The following EIF2A variants were observed in gnomAD, a reference collection of about 807,000 sequenced individuals.
The protein encoded by EIF2A is 65 kDa eukaryotic translation initiation factor 2A.
In EIF2A, 62 loss-of-function variants were observed where a neutral mutation model predicts 75.2. The observed-to-expected ratio is 0.82, with a 90% CI of 0.67 to 1.02. The LOEUF (loss-of-function observed/expected upper bound fraction) is 1.02, where lower values mean the gene tolerates loss of function less well. Among genes scored for constraint, EIF2A ranks in the 50% least tolerant of loss-of-function variants. The pLI is 0.00. For synonymous variants in EIF2A, 207 were observed against 239.0 expected, an observed-to-expected ratio of 0.87 and a Z score of 1.23; for missense variants, 611 against 677.7, an observed-to-expected ratio of 0.90 and a Z score of 1.09.
chr3:150,547,897 AT>A lies in EIF2A; in HGVS notation c.28+1076del, dbSNP rs576772255. ...TTTAAAAGGCAAAGTTACATAATAA[AT>A]TTTTTTTTAGGTTTGTAAAGGTAGC... On this transcript the variant is annotated intron_variant, in intron 1 of 13. Coordinates refer to ENST00000460851, the MANE Select transcript of EIF2A (RefSeq NM_032025.5). 3.0e-4 allele frequency among the ~76,000 whole-genome samples: 46 copies of A among 151,730 alleles called. 2 individuals carry two copies. In the South Asian group the frequency reaches 5.4e-3, roughly 18 times the overall value.
At chr3:150,575,119 A>G (rs1251206370) in intron 10 of EIF2A, among the ~76,000 whole-genome samples, 1 of 152,010 alleles carries the variant, frequency 6.6e-6, no homozygotes, top group Non-Finnish European at 1.5e-5. Context: ...TCATATGTCA[A>G]TCCCAGATTT....
intron 11 of EIF2A, among the ~76,000 whole-genome samples, chr3:150,578,524 A>G (rs1376136459): frequency 6.6e-6 from 1 of 151,888 alleles, no homozygotes; most frequent in Non-Finnish European, 1.5e-5. Context: ...GATCAGTTAT[A>G]AATTTACAAC....
Position 150,568,026 on chromosome 3 carries a change from C to A in EIF2A, c.674C>A (p.Thr225Lys). The change falls in exon 8 of 14, where the codon ACA (threonine) becomes AAA (lysine). Residue 225 changes from threonine (T) to lysine (K), a missense_variant. Physicochemically the swap from Thr to Lys is moderately conservative, Grantham distance 78. Transcript: ENST00000460851. ...AGTTTCTTTAAGGCAGATAAAGTTA[C>A]AATGCTGTGGAATAAAAAAGGTATG... ...NKSFFKADKV[T>K]MLWNKKATAV... The A allele has an allele frequency of 9.3e-6, 15 of 1,608,740 alleles. No individual in the cohort carries two copies. The highest frequency in any genetic ancestry group is 1.3e-5 in the Non-Finnish European group (15 of 1,178,530).
chr3:150,576,824 A>G (rs912546850), intron 11 of EIF2A, among the ~76,000 whole-genome samples: 1 of 152,248 alleles, frequency 6.6e-6, no homozygotes, highest in Admixed American at 6.5e-5. Context: ...GATATTTCCA[A>G]AATAGTTTCT....
At chr3:150,558,300 G>T in intron 2 of EIF2A, 88 bp from the exon 3 acceptor site, 1 of 1,151,742 alleles carries the variant, frequency 8.7e-7, no homozygotes, top group South Asian at 1.7e-5. Context: ...TTATTAAATT[G>T]ATAGTGAAAT....
chr3:150,565,549 T>C (rs923798758), intron 6 of EIF2A, among the ~76,000 whole-genome samples: 6 of 152,192 alleles, frequency 3.9e-5, no homozygotes, highest in African/African-American at 1.2e-4. Context: ...GCAACCTTCA[T>C]TGTAACCAAT....
In EIF2A at chr3:150,572,096, G is replaced by A. The variant is rs747611262; in HGVS notation, c.950G>A (p.Arg317His). ...GTATTTGACTTTGGAACTGGTCCTC[G>A]TAATGCAGCCTACTATAGCCCTCAT... ...DPVFDFGTGP[R>H]NAAYYSPHGH... is the part of the protein sequence containing the mutation. Residue 317 changes from arginine to histidine, a missense_variant, in exon 10 of 14, where the codon CGT becomes CAT. Physicochemically the swap from Arg to His is conservative, Grantham distance 29. Transcript: ENST00000460851. 2.2e-5 allele frequency: 35 copies of A among 1,613,794 alleles called. No homozygotes were observed. Among genetic ancestry groups the A allele is most frequent in the Non-Finnish European group, 2.9e-5 (34 of 1,179,886 alleles).
intron 1 of EIF2A, among the ~76,000 whole-genome samples, chr3:150,551,320 A>G (rs763980345): frequency 3.3e-4 from 50 of 152,152 alleles, no homozygotes; most frequent in Middle Eastern, 3.2e-3. Flanking sequence ...TATTTCGCCA[A>G]TGTTCAACAC....
intron 11 of EIF2A, 38 bp from the exon 12 acceptor site, chr3:150,581,580 G>T (rs1418264677): frequency 1.3e-6 from 2 of 1,544,006 alleles, no homozygotes; most frequent in Non-Finnish European, 1.7e-6. Context: ...TAATGTTTTT[G>T]GCTTTTAAAA....
At position 150,563,595 on chromosome 3, in the gene EIF2A, C is replaced by T; in HGVS notation, c.373C>T (p.Gln125Ter). 6.5e-7 allele frequency: 1 copy of T among 1,530,714 alleles called. No homozygotes were observed. The highest frequency in any genetic ancestry group is 1.3e-5 in the South Asian group (1 of 78,766). 94.8% of individuals were successfully genotyped at this position (1,530,714 alleles called of 1,614,324 possible). A position where few individuals can be genotyped will look rare whatever the true frequency, so the allele number is the denominator to read the frequency against. Residue 125 changes from glutamine to a stop codon, truncating the protein, a stop_gained, in exon 5 of 14, where the codon CAG becomes TAG. Coordinates refer to ENST00000460851, the MANE Select transcript of EIF2A (RefSeq NM_032025.5). LOFTEE classifies it high-confidence loss of function. ...KTGTCLKSFI[Q>*]KKMQNWCPSW... ...TGGGACATGTTTGAAATCTTTCATC[C>T]AGAAAAAAATGCAAAATTGGTAAAT...
At chr3:150,568,430 T>G (rs1219289628) in intron 9 of EIF2A, 138 bp downstream of exon 9, 11 of 674,988 alleles carry the variant, frequency 1.6e-5, no homozygotes, top group Non-Finnish European at 2.5e-5. Context: ...AAAATTTTTC[T>G]TAATTAAGAA....
intron 2 of EIF2A, among the ~76,000 whole-genome samples, chr3:150,556,776 A>G (rs923665420): frequency 6.6e-6 from 1 of 152,234 alleles, no homozygotes; most frequent in Non-Finnish European, 1.5e-5. Flanking sequence ...TGCCAAGACC[A>G]AGAAAATAAT....
intron 11 of EIF2A, among the ~76,000 whole-genome samples, chr3:150,577,660 G>A (rs2107966753): frequency 6.6e-6 from 1 of 151,790 alleles, no homozygotes; most frequent in Non-Finnish European, 1.5e-5. Context: ...AGCTCAAGCA[G>A]TCTTTCCACC....
At position 150,568,210 on chromosome 3, in the gene EIF2A, T is replaced by C; in HGVS notation, c.729T>C (p.Val243=). ...TAVLVIASTD[V]DKTGASYYGE... ...TGTTGGTAATAGCTAGCACAGATGT[T>C]GACAAGACAGGAGCTTCCTACTATG... Residue 243 remains valine (V), a synonymous_variant, in exon 9 of 14, where the codon GTT becomes GTC. Coordinates refer to ENST00000460851, the MANE Select transcript of EIF2A (RefSeq NM_032025.5). 1 of 1,613,616 alleles carries C rather than the reference T, an allele frequency of 6.2e-7. No homozygotes were observed. Among genetic ancestry groups the C allele is most frequent in the Middle Eastern group, 1.7e-4 (1 of 6,058 alleles).
intron 5 of EIF2A, 87 bp downstream of exon 5, chr3:150,563,701 A>T (rs924187977): frequency 2.9e-6 from 3 of 1,048,694 alleles, no homozygotes; most frequent in Non-Finnish European, 4.0e-6. Flanking sequence ...ATATTGATTT[A>T]AAAAATAACT....
rs374397045 is a variant in EIF2A, at chr3:150,572,343, G to A, written c.1197G>A (p.Lys399=). The part of the protein sequence containing the change: ...IWHYTGSILH[K]YDVPSNAELW... The stretch of plus-strand genomic sequence containing the variant: ...ATTATACTGGCTCTATCTTGCACAA[G>A]TATGATGTGCCATCAAATGCAGAAT... The change falls in exon 10 of 14, where the codon AAG becomes AAA. Residue 399 remains lysine, a synonymous_variant. Transcript: ENST00000460851. 1.9e-6 allele frequency: 3 copies of A among 1,613,946 alleles called. No homozygotes were observed. Among genetic ancestry groups the A allele is most frequent in the African/African-American group, 1.3e-5 (1 of 75,020 alleles).
intron 3 of EIF2A, 88 bp downstream of exon 3, chr3:150,558,550 TAATAA>T: frequency 8.6e-7 from 1 of 1,169,346 alleles, no homozygotes; most frequent in Non-Finnish European, 1.1e-6. Flanking sequence ...TGAGTGTCAT[TAATAA>T]AATCCGTCTT....
Position 150,552,362 on chromosome 3 carries a change from G to A in EIF2A, c.35G>A (p.Gly12Glu). 1.9e-6 allele frequency: 3 copies of A among 1,551,348 alleles called. No homozygotes were observed. Among genetic ancestry groups the A allele is most frequent in the Non-Finnish European group, 2.6e-6 (3 of 1,146,932 alleles). The stretch of plus-strand genomic sequence containing the variant: ...TTTTATTTTACTTCTTTAGTCCGAG[G>A]ATCAGAAGGACTGTACATGGTGAAT... ...APSTPLLTVR[G>E]SEGLYMVNGP... The change falls in exon 2 of 14, where the codon GGA (glycine) becomes GAA (glutamate). Residue 12 changes from glycine (G) to glutamate (E), a missense_variant. Coordinates refer to ENST00000460851, the MANE Select transcript of EIF2A (RefSeq NM_032025.5).
chr3:150,576,168 G>A (rs535519178), intron 11 of EIF2A, among the ~76,000 whole-genome samples: 2 of 152,142 alleles, frequency 1.3e-5, no homozygotes, highest in African/African-American at 2.4e-5. Context: ...GTGACCAGGT[G>A]TGGTGGCTCA....
Sources: gnomAD v4.1 joint callset for allele counts (sites outside exome capture counted in the v4.1 genomes callset) on GRCh38, gnomAD v4.1.1 for gene constraint, MANE v1.5 for transcripts, NCBI Gene and HGNC (gene_info 2026-07-23, HGNC 2026-07-21) for gene names.